The following OSBPL9 variants were observed in gnomAD, a reference collection of about 807,000 sequenced individuals.
The protein encoded by OSBPL9 is oxysterol binding protein like 9.
In OSBPL9, 40 loss-of-function variants were observed where a neutral mutation model predicts 106.6. That is an observed-to-expected ratio of 0.38 (90% CI 0.29 to 0.49). OSBPL9 has a LOEUF of 0.49. Ranked by LOEUF, OSBPL9 falls within the 20% of genes least tolerant of loss-of-function variation. The pLI is 0.97. For synonymous variants in OSBPL9, 269 were observed against 295.4 expected (o/e 0.91, Z 0.92); for missense variants, 609 against 887.2 (o/e 0.69, Z 3.98).
At chr1:51,667,116 G>A (rs890398357) in intron 2 of OSBPL9, among the ~76,000 whole-genome samples, 8 of 152,202 alleles carry the variant, frequency 5.3e-5, no homozygotes, top group African/African-American at 1.9e-4. Flanking sequence ...GAGTTGACTA[G>A]GTGACTTGTT....
rs547544748 is a variant in OSBPL9, at chr1:51,643,632, G to T, written c.112-8359G>T. ...GATAAATGTGCATTTTATTTTAAGTGCAATGTAGAGCCATGAAGTACTTTT... is the reference window on the plus strand; with the variant it reads ...GATAAATGTGCATTTTATTTTAAGTTCAATGTAGAGCCATGAAGTACTTTT... On this transcript the variant is annotated intron_variant, in intron 1 of 23. Coordinates refer to ENST00000428468, the MANE Select transcript of OSBPL9 (RefSeq NM_024586.6). 3.3e-4 allele frequency among the ~76,000 whole-genome samples: 51 copies of T among 152,252 alleles called. 1 individual carries two copies. The highest frequency in any genetic ancestry group is 1.2e-3 in the African/African-American group (50 of 41,546).
chr1:51,631,067 A>T (rs938025146), intron 1 of OSBPL9, among the ~76,000 whole-genome samples: 1 of 152,200 alleles, frequency 6.6e-6, no homozygotes, highest in Non-Finnish European at 1.5e-5. Context: ...CTCTGAGGTT[A>T]GGGATTTTTC....
intron 4 of OSBPL9, among the ~76,000 whole-genome samples, chr1:51,736,346 T>C (rs1294467415): frequency 6.6e-6 from 1 of 152,202 alleles, no homozygotes; most frequent in African/African-American, 2.4e-5. Flanking sequence ...ATATATAATT[T>C]CTAAGAGATA....
At chr1:51,684,154 C>T (rs1653230386) in intron 3 of OSBPL9, among the ~76,000 whole-genome samples, 1 of 152,148 alleles carries the variant, frequency 6.6e-6, no homozygotes, top group African/African-American at 2.4e-5. Context: ...CAGGCACTCA[C>T]TCCCATGCCC....
Position 51,762,740 on chromosome 1 carries a change from C to T in OSBPL9, c.778+769C>T, listed in dbSNP as rs547609524. The stretch of plus-strand genomic sequence containing the variant: ...TTAGGTTATGTGTTTCTGTGACTTG[C>T]GTTTTTCCTTTAACAAAGAACACTT... On this transcript the variant is annotated intron_variant, in intron 11 of 23. Coordinates refer to ENST00000428468, the MANE Select transcript of OSBPL9 (RefSeq NM_024586.6). 8.2e-4 allele frequency among the ~76,000 whole-genome samples: 125 copies of T among 152,252 alleles called. 2 individuals carry two copies. The highest frequency in any genetic ancestry group is 2.8e-3 in the African/African-American group (117 of 41,552).
chr1:51,673,050 C>T lies in OSBPL9; in HGVS notation c.241+3538C>T, dbSNP rs1243688085. The stretch of plus-strand genomic sequence containing the variant: ...TGTTGAGAGAAAAGAGGTCCAACTA[C>T]AGAGCCCTGGGGCACTCAAACATTT... On this transcript the variant is annotated intron_variant, in intron 3 of 23. Transcript: ENST00000428468. Among the ~76,000 whole-genome samples the T allele has an allele frequency of 3.3e-5, 5 of 152,234 alleles. No individual in the cohort carries two copies. In the South Asian group the frequency reaches 8.3e-4, roughly 25 times the overall value.
chr1:51,668,727 T>A (rs1413603614), intron 2 of OSBPL9, among the ~76,000 whole-genome samples: 1 of 152,214 alleles, frequency 6.6e-6, no homozygotes, highest in Non-Finnish European at 1.5e-5. Context: ...CCCCATTGTG[T>A]GTGCCTGCCC....
In OSBPL9 at chr1:51,761,968, A is replaced by G. The variant is rs1671607459; in HGVS notation, c.775A>G (p.Thr259Ala). ...GHHQTPTPNS[T>A]GSGHSPPSSS... ...TCATCAGACTCCTACACCAAATAGT[A>G]CAGGTACAGATTTGCATAATTTCTT... The change falls in exon 11 of 24, where the codon ACA (threonine) becomes GCA (alanine). Residue 259 changes from threonine to alanine, a missense_variant. By Grantham distance (58) the Thr-to-Ala change is moderately conservative (BLOSUM62 0). Transcript: ENST00000428468. 1 of 1,591,090 alleles carries G rather than the reference A, an allele frequency of 6.3e-7. No homozygotes were observed. The highest frequency in any genetic ancestry group is 1.7e-5 in the Admixed American group (1 of 59,974).
chr1:51,772,260 C>A, intron 13 of OSBPL9, 78 bp downstream of exon 13: 1 of 1,241,682 alleles, frequency 8.1e-7, no homozygotes, highest in South Asian at 1.4e-5. Context: ...TGCCGTAATC[C>A]CAGCACTTTG....
Position 51,787,708 on chromosome 1 carries a change from C to G in OSBPL9, c.2137-7C>G. On this transcript the variant is annotated splice_polypyrimidine_tract_variant and splice_region_variant and intron_variant, in intron 23 of 23. Coordinates refer to ENST00000428468, the MANE Select transcript of OSBPL9 (RefSeq NM_024586.6). ...ATGTAACTAAATTCTTCCTCTTTGT[C>G]TTACAGTTATTTCATGAAGATGGAG... 1 of 1,611,508 alleles carries G rather than the reference C, an allele frequency of 6.2e-7. No homozygotes were observed. The highest frequency in any genetic ancestry group is 8.5e-7 in the Non-Finnish European group (1 of 1,177,780).
At position 51,788,912 on chromosome 1, in the gene OSBPL9, AGTT is replaced by A. The variant is rs1678370656; in HGVS notation, c.*1124_*1126del. ...AAACAGGTATTAGTACCTAGCATTT[AGTT>A]AGTTATTCAATATACTGGTTACGTA... On this transcript the variant is annotated 3_prime_UTR_variant, in exon 24 of 24. Transcript: ENST00000428468. Among the ~76,000 whole-genome samples the A allele has an allele frequency of 1.1e-5, 1 of 92,314 alleles. No individual in the cohort carries two copies. The highest frequency in any genetic ancestry group is 2.1e-5 in the Non-Finnish European group (1 of 48,676). 60.6% of individuals were successfully genotyped at this position (92,314 alleles called of 152,430 possible).
intron 3 of OSBPL9, among the ~76,000 whole-genome samples, chr1:51,702,869 T>C (rs1156802752): frequency 2.0e-5 from 3 of 152,092 alleles, no homozygotes; most frequent in Non-Finnish European, 4.4e-5. Context: ...TATGGCTAGC[T>C]AGTTTTCCCA....
chr1:51,552,986 T>A, the OSBPL9 span, among the ~76,000 whole-genome samples: 778 of 152,198 alleles, frequency 5.1e-3, 9 homozygotes, highest in African/African-American at 0.017. Context: ...AACAAACTTT[T>A]TTTTGTGCCT....
chr1:51,621,650 C>G (rs1644447314), intron 1 of OSBPL9, among the ~76,000 whole-genome samples: 1 of 152,086 alleles, frequency 6.6e-6, no homozygotes, highest in African/African-American at 2.4e-5. Flanking sequence ...ACATTTCTTC[C>G]TTACCAGTTG....
intron 13 of OSBPL9, 94 bp downstream of exon 13, chr1:51,772,276 C>T: frequency 2.0e-6 from 2 of 997,592 alleles, no homozygotes; most frequent in South Asian, 3.2e-5. Context: ...CTTTGGGAGA[C>T]CGAGGTGGGC....
At chr1:51,700,767 GA>G (rs1657053716) in intron 3 of OSBPL9, among the ~76,000 whole-genome samples, 1 of 152,078 alleles carries the variant, frequency 6.6e-6, no homozygotes, top group African/African-American at 2.4e-5. Flanking sequence ...TCATTTGGGG[GA>G]GATACTTTAT....
chr1:51,752,387 G>A (rs1669441340), intron 8 of OSBPL9: 6 of 326,452 alleles, frequency 1.8e-5, no homozygotes, highest in South Asian at 1.3e-4. Context: ...CCTGACTCCT[G>A]TATCTAAAAT....
At chr1:51,627,516 A>G (rs76701713) in intron 1 of OSBPL9, among the ~76,000 whole-genome samples, 4 of 152,342 alleles carry the variant, frequency 2.6e-5, no homozygotes, top group Non-Finnish European at 5.9e-5. Flanking sequence ...TTACGCCTGT[A>G]CTATACTGTC....
At chr1:51,749,457 C>T (rs969853096) in intron 7 of OSBPL9, 6 of 382,826 alleles carry the variant, frequency 1.6e-5, no homozygotes, top group Admixed American at 1.3e-4. Flanking sequence ...GGGCTATAGG[C>T]ACACGCTACC....
Sources: gnomAD v4.1 joint callset for allele counts (sites outside exome capture counted in the v4.1 genomes callset) on GRCh38, gnomAD v4.1.1 for gene constraint, MANE v1.5 for transcripts, NCBI Gene and HGNC (gene_info 2026-07-23, HGNC 2026-07-21) for gene names.